The following KCNB2 variants were observed in gnomAD, a reference collection of about 807,000 sequenced individuals.
The protein encoded by KCNB2 is delayed rectifier potassium channel protein.
Under a neutral mutation model 61.5 loss-of-function variants are expected in KCNB2, and 15 were observed. That is an observed-to-expected ratio of 0.24 (90% CI 0.16 to 0.38). KCNB2 has a LOEUF of 0.38. Ranked by LOEUF, KCNB2 falls within the 10% of genes least tolerant of loss-of-function variation. KCNB2 has a pLI of 1.00. For synonymous variants in KCNB2, 457 were observed against 446.0 expected (o/e 1.02, Z -0.31); for missense variants, 828 against 1,125.2 (o/e 0.74, Z 3.78).
At chr8:72,931,775 G>C (rs1249812396) in intron 2 of KCNB2, among the ~76,000 whole-genome samples, 1 of 152,168 alleles carries the variant, frequency 6.6e-6, no homozygotes, top group Admixed American at 6.5e-5. Context: ...ACTTTGAGAG[G>C]CCAAGGTGGG....
At chr8:72,685,704 T>A (rs1259850116) in intron 2 of KCNB2, among the ~76,000 whole-genome samples, 2 of 152,098 alleles carry the variant, frequency 1.3e-5, no homozygotes, top group Non-Finnish European at 1.5e-5. Context: ...TATAAGAAGG[T>A]CCAGGCCGGG....
intron 2 of KCNB2, among the ~76,000 whole-genome samples, chr8:72,779,779 G>A (rs1449886415): frequency 6.6e-6 from 1 of 151,972 alleles, no homozygotes; most frequent in Non-Finnish European, 1.5e-5. Flanking sequence ...TGATATTGAG[G>A]GTAAGTCAGC....
At chr8:72,587,137 A>G (rs1290846944) in intron 2 of KCNB2, among the ~76,000 whole-genome samples, 1 of 152,190 alleles carries the variant, frequency 6.6e-6, no homozygotes, top group Non-Finnish European at 1.5e-5. Flanking sequence ...TAGTGCAGAA[A>G]TAACAAATCC....
intron 2 of KCNB2, among the ~76,000 whole-genome samples, chr8:72,636,966 A>G (rs1184381024): frequency 1.3e-5 from 2 of 152,164 alleles, no homozygotes; most frequent in African/African-American, 4.8e-5. Flanking sequence ...CAGTTTTGTT[A>G]TAGAAGAGGC....
At chr8:72,737,488 G>T (rs1479516854) in intron 2 of KCNB2, among the ~76,000 whole-genome samples, 1 of 152,164 alleles carries the variant, frequency 6.6e-6, no homozygotes, top group Non-Finnish European at 1.5e-5. Flanking sequence ...GTTCTCAATA[G>T]TTGTATTTAA....
intron 2 of KCNB2, among the ~76,000 whole-genome samples, chr8:72,685,418 T>G (rs1272009312): frequency 6.6e-6 from 1 of 152,170 alleles, no homozygotes; most frequent in Admixed American, 6.5e-5. Context: ...TGCCTTGTCC[T>G]AGAAGCTAGA....
intron 2 of KCNB2, among the ~76,000 whole-genome samples, chr8:72,685,881 C>A (rs879232299): frequency 1.3e-5 from 2 of 152,056 alleles, no homozygotes; most frequent in Admixed American, 1.3e-4. Context: ...TCCAGCTACT[C>A]GGGAGGCTGA....
intron 2 of KCNB2, among the ~76,000 whole-genome samples, chr8:72,869,317 T>A (rs966190305): frequency 6.6e-6 from 1 of 151,982 alleles, no homozygotes; most frequent in African/African-American, 2.4e-5. Flanking sequence ...TTAGATACAT[T>A]AGGAAGGGGA....
chr8:72,762,036 G>A (rs1550465), intron 2 of KCNB2, among the ~76,000 whole-genome samples: 3,856 of 152,254 alleles, frequency 0.025, 105 homozygotes, highest in African/African-American at 0.065. Flanking sequence ...TACTTTTGGG[G>A]TTTAGAGATA....
chr8:72,695,728 C>T (rs1807008121), intron 2 of KCNB2, among the ~76,000 whole-genome samples: 3 of 152,070 alleles, frequency 2.0e-5, no homozygotes, highest in African/African-American at 7.2e-5. Context: ...GTCTAATTCA[C>T]CTCATCAAAT....
At chr8:72,772,278 C>T (rs1380674852) in intron 2 of KCNB2, among the ~76,000 whole-genome samples, 1 of 152,216 alleles carries the variant, frequency 6.6e-6, no homozygotes, top group Non-Finnish European at 1.5e-5. Flanking sequence ...AGCACTACTC[C>T]ATTTTGGACC....
rs1039690723 is a variant in KCNB2 at position 72,784,752 on chromosome 8, A to G, written c.580-151183A>G. 2.0e-5 allele frequency among the ~76,000 whole-genome samples: 3 copies of G among 152,190 alleles called. No individual in the cohort carries two copies. The East Asian group carries it at 5.8e-4, about 29-fold the overall frequency. ...GGATTATAATTTGGACTACAATTCA[A>G]TATGAGATTTTGGGTGGGGACACAG... On this transcript the variant is annotated intron_variant, in intron 2 of 2. Coordinates refer to ENST00000523207, the MANE Select transcript of KCNB2 (RefSeq NM_004770.3).
chr8:72,748,118 A>T (rs1172586761), intron 2 of KCNB2, among the ~76,000 whole-genome samples: 1 of 152,242 alleles, frequency 6.6e-6, no homozygotes, highest in African/African-American at 2.4e-5. Context: ...AGATGATTAG[A>T]AGAAATAAGC....
chr8:72,800,588 A>C (rs1003342296), intron 2 of KCNB2, among the ~76,000 whole-genome samples: 1 of 152,002 alleles, frequency 6.6e-6, no homozygotes, highest in African/African-American at 2.4e-5. Context: ...ATTTGAAAAA[A>C]TATGGTTATT....
At chr8:72,622,587 A>T (rs753171054) in intron 2 of KCNB2, among the ~76,000 whole-genome samples, 6 of 152,076 alleles carry the variant, frequency 3.9e-5, no homozygotes, top group Non-Finnish European at 8.8e-5. Context: ...TAGGTAAATT[A>T]AAAAAAAGAA....
chr8:72,814,999 T>G (rs1209244484), intron 2 of KCNB2, among the ~76,000 whole-genome samples: 2 of 152,162 alleles, frequency 1.3e-5, no homozygotes, highest in African/African-American at 4.8e-5. Context: ...ATTTTTCTAC[T>G]GAGGTTGTAT....
At chr8:72,543,112 T>C (rs1173162710) in intron 1 of KCNB2, among the ~76,000 whole-genome samples, 1 of 152,210 alleles carries the variant, frequency 6.6e-6, no homozygotes, top group Non-Finnish European at 1.5e-5. Flanking sequence ...CCCCTTTTTA[T>C]AAGCAGTACT....
chr8:72,828,661 A>G (rs1326616691), intron 2 of KCNB2, among the ~76,000 whole-genome samples: 1 of 152,180 alleles, frequency 6.6e-6, no homozygotes, highest in African/African-American at 2.4e-5. Context: ...AATATATTCT[A>G]TTCTATAGTT....
Position 72,698,917 on chromosome 8 carries a change from G to A in KCNB2, c.579+130604G>A, listed in dbSNP as rs147790016. ...ACCGCAAACTATAAGAATCATAGAA[G>A]AAAACCTAGGAAAAACCATGCCTTG... On this transcript the variant is annotated intron_variant, in intron 2 of 2. Transcript: ENST00000523207. Among the ~76,000 whole-genome samples the A allele has an allele frequency of 2.1e-3, 321 of 152,092 alleles. 3 individuals are homozygous for A. Among genetic ancestry groups the A allele is most frequent in the African/African-American group, 7.3e-3 (302 of 41,506 alleles).
Sources: allele counts gnomAD v4.1 joint callset (sites outside exome capture counted in the v4.1 genomes callset), GRCh38; gene constraint gnomAD v4.1.1; transcripts MANE v1.5; gene names NCBI Gene and HGNC (gene_info 2026-07-23, HGNC 2026-07-21).